Variants in ALK observed in about 807,000 individuals in gnomAD.
The protein encoded by ALK is ALK receptor tyrosine kinase, also known as ALK tyrosine kinase receptor.
ALK carries 74 observed loss-of-function variants against 163.1 expected under a neutral mutation model. The observed-to-expected ratio is 0.45, with a 90% CI of 0.38 to 0.55. The LOEUF is 0.55. ALK is among the 20% of genes least tolerant of loss of function. The pLI is 0.00. For missense variants in ALK, 2,063 were observed against 2,105.3 expected (o/e 0.98, Z 0.39); for synonymous variants, 960 against 843.2 (o/e 1.14, Z -2.40).
chr2:29,796,318 C>T (rs1664310031), intron 1 of ALK, among the ~76,000 whole-genome samples: 1 of 152,060 alleles, frequency 6.6e-6, no homozygotes, highest in Non-Finnish European at 1.5e-5. Context: ...CACGGATTTC[C>T]TCCAAACGTT....
intron 8 of ALK, 94 bp downstream of exon 8, chr2:29,318,210 G>T: frequency 9.5e-7 from 1 of 1,057,758 alleles, no homozygotes; most frequent in Non-Finnish European, 1.5e-6. Context: ...AGAACGACCA[G>T]CCCAGCCAGC....
intron 4 of ALK, among the ~76,000 whole-genome samples, chr2:29,391,635 TC>T (rs1669177380): frequency 6.6e-6 from 1 of 152,018 alleles, no homozygotes; most frequent in Admixed American, 6.6e-5. Context: ...TCTTCTAACT[TC>T]CCCTTTTTTT....
intron 3 of ALK, among the ~76,000 whole-genome samples, chr2:29,570,895 A>T (rs1473533560): frequency 6.6e-6 from 1 of 152,218 alleles, no homozygotes; most frequent in Admixed American, 6.5e-5. Context: ...AGCCTTTTAA[A>T]CTAGAAGCAG....
chr2:29,235,548 G>T (rs914164495), intron 13 of ALK, among the ~76,000 whole-genome samples: 2 of 152,090 alleles, frequency 1.3e-5, no homozygotes, highest in African/African-American at 2.4e-5. Flanking sequence ...GTCCTGGCCT[G>T]GGGGGAGACT....
At chr2:29,900,995 G>GAGCAAGCAAGCAAGCAAGCA (rs58490938) in intron 1 of ALK, among the ~76,000 whole-genome samples, 7 of 148,600 alleles carry the variant, frequency 4.7e-5, no homozygotes, top group Non-Finnish European at 8.9e-5. Flanking sequence ...GAGAGAGAGA[G>GAGCAAGCAAGCAAGCAAGCA]AGCAAGCAAG....
At chr2:29,358,111 T>C (rs1317541844) in intron 5 of ALK, among the ~76,000 whole-genome samples, 1 of 152,228 alleles carries the variant, frequency 6.6e-6, no homozygotes, top group Non-Finnish European at 1.5e-5. Context: ...CCAGAGTCCA[T>C]AACCAATATG....
intron 3 of ALK, among the ~76,000 whole-genome samples, chr2:29,546,907 G>A (rs1421141727): frequency 2.0e-5 from 3 of 152,192 alleles, no homozygotes; most frequent in African/African-American, 7.2e-5. Context: ...TGCTGAAGAA[G>A]GAGCATGGAA....
At chr2:29,207,940 G>C (rs910666121) in intron 25 of ALK, 2 of 407,736 alleles carry the variant, frequency 4.9e-6, no homozygotes, top group South Asian at 3.4e-5. Context: ...CTAGCCTGGT[G>C]TTCTCCTGTG....
At chr2:29,377,945 CAAG>C (rs1390484283) in intron 5 of ALK, among the ~76,000 whole-genome samples, 1 of 152,168 alleles carries the variant, frequency 6.6e-6, no homozygotes, top group Non-Finnish European at 1.5e-5. Context: ...AGTAAGGAAC[CAAG>C]AAGATTACTT....
chr2:29,754,080 C>A (rs971843712), intron 1 of ALK, among the ~76,000 whole-genome samples: 2 of 152,106 alleles, frequency 1.3e-5, no homozygotes, highest in African/African-American at 2.4e-5. Context: ...TGGCCCCAAG[C>A]CACAAGGATA....
intron 11 of ALK, among the ~76,000 whole-genome samples, chr2:29,254,291 TTCTC>T (rs200450563): frequency 0.011 from 1,272 of 114,378 alleles, 10 homozygotes; most frequent in East Asian, 0.04. Context: ...TGAATACATA[TTCTC>T]TCTCTCTCTC....
At chr2:29,775,472 A>G (rs1206880106) in intron 1 of ALK, among the ~76,000 whole-genome samples, 1 of 152,106 alleles carries the variant, frequency 6.6e-6, no homozygotes, top group Non-Finnish European at 1.5e-5. Context: ...TTATACCCCA[A>G]AGCTTTTCCT....
intron 4 of ALK, among the ~76,000 whole-genome samples, chr2:29,509,318 T>C (rs925842567): frequency 6.6e-6 from 1 of 152,166 alleles, no homozygotes; most frequent in South Asian, 2.1e-4. Flanking sequence ...AAGAAGCTTA[T>C]TTTTCAAAAA....
At chr2:29,853,553 G>A (rs1198192364) in intron 1 of ALK, among the ~76,000 whole-genome samples, 1 of 152,150 alleles carries the variant, frequency 6.6e-6, no homozygotes, top group Non-Finnish European at 1.5e-5. Flanking sequence ...TTCTACGGCA[G>A]CCTCTCAACC....
At chr2:29,738,798 T>C (rs775655600) in intron 1 of ALK, among the ~76,000 whole-genome samples, 16 of 152,146 alleles carry the variant, frequency 1.1e-4, no homozygotes, top group Non-Finnish European at 2.2e-4. Context: ...TGAAGTTTTA[T>C]GCTTAGAGCT....
chr2:29,370,935 A>G (rs1289344032), intron 5 of ALK, among the ~76,000 whole-genome samples: 1 of 152,228 alleles, frequency 6.6e-6, no homozygotes, highest in Non-Finnish European at 1.5e-5. Flanking sequence ...ATAAATGATT[A>G]ATGGGGGGAA....
At chr2:29,413,138 G>A (rs1669772216) in intron 4 of ALK, among the ~76,000 whole-genome samples, 1 of 152,156 alleles carries the variant, frequency 6.6e-6, no homozygotes, top group Non-Finnish European at 1.5e-5. Context: ...TGGATTTTGT[G>A]TGCTTAGGGA....
chr2:29,208,736 G>A (rs116741677), intron 25 of ALK, among the ~76,000 whole-genome samples: 67 of 152,134 alleles, frequency 4.4e-4, no homozygotes, highest in African/African-American at 1.6e-3. Context: ...TCCATATAAC[G>A]ATTGCTCCTC....
chr2:29,691,336 C>T (rs1009035098), intron 3 of ALK, among the ~76,000 whole-genome samples: 2 of 152,214 alleles, frequency 1.3e-5, no homozygotes, highest in Admixed American at 1.3e-4. Context: ...AAGTTTCTGA[C>T]AGTGGTGAGC....
Sources: gnomAD v4.1 joint callset for allele counts (sites outside exome capture counted in the v4.1 genomes callset) on GRCh38, gnomAD v4.1.1 for gene constraint, MANE v1.5 for transcripts, NCBI Gene and HGNC (gene_info 2026-07-23, HGNC 2026-07-21) for gene names.